The following POLN variants were observed in gnomAD, a reference collection of about 807,000 sequenced individuals.
POLN encodes DNA polymerase N.
A neutral mutation model predicts 113.5 loss-of-function variants in POLN; 108 were observed. That is an observed-to-expected ratio of 0.95 (90% CI 0.81 to 1.12). POLN has a LOEUF of 1.12. Ranked by LOEUF, POLN falls within the 50% of genes most tolerant of loss-of-function variation. POLN has a pLI of 0.00. For synonymous variants in POLN, 386 were observed against 391.5 expected, an observed-to-expected ratio of 0.99 and a Z score of 0.17; for missense variants, 1,097 against 1,077.1, an observed-to-expected ratio of 1.02 and a Z score of -0.26.
At chr4:2,150,626 T>C (rs1732269050) in intron 16 of POLN, among the ~76,000 whole-genome samples, 1 of 152,180 alleles carries the variant, frequency 6.6e-6, no homozygotes, top group South Asian at 2.1e-4. Flanking sequence ...AACGCACTGC[T>C]GGCAATGGTA....
intron 19 of POLN, among the ~76,000 whole-genome samples, chr4:2,108,903 G>A (rs1560998628): frequency 1.3e-5 from 2 of 151,962 alleles, no homozygotes; most frequent in South Asian, 4.2e-4. Context: ...CACTTTCCTC[G>A]TGGGCAATGA....
chr4:2,193,145 C>T, intron 7 of POLN, 59 bp downstream of exon 7: 1 of 1,295,740 alleles, frequency 7.7e-7, no homozygotes, highest in Admixed American at 2.0e-5. Flanking sequence ...TTCTCCCATT[C>T]ATAGGAGGAG....
chr4:2,238,736 T>G lies in POLN; in HGVS notation c.-13+2784A>C, dbSNP rs1327303925. On this transcript the variant is annotated intron_variant, in intron 2 of 25. Coordinates refer to ENST00000511885, the MANE Select transcript of POLN (RefSeq NM_181808.4). ...TTGACTAAGTTCTTGAACCAAATTT[T>G]CAAGTTGACGATATATGTCCCGATG... 6 of 1,613,874 alleles carry G rather than the reference T, an allele frequency of 3.7e-6. No homozygotes were observed. The South Asian group carries it at 6.6e-5, about 18-fold the overall frequency.
intron 19 of POLN, 116 bp from the exon 20 acceptor site, chr4:2,096,049 A>G: frequency 1.1e-6 from 1 of 882,312 alleles, no homozygotes; most frequent in Non-Finnish European, 1.9e-6. Context: ...TTATGCTTTC[A>G]TGGTGGCCGG....
At chr4:2,081,833 G>A in intron 21 of POLN, 90 bp from the exon 22 acceptor site, 1 of 1,091,424 alleles carries the variant, frequency 9.2e-7, no homozygotes, top group South Asian at 1.3e-5. Flanking sequence ...AGGCCACAGA[G>A]GGACAGCCGC....
chr4:2,202,524 G>A (rs1460683567), intron 5 of POLN, among the ~76,000 whole-genome samples: 4 of 152,058 alleles, frequency 2.6e-5, no homozygotes, highest in African/African-American at 9.7e-5. Flanking sequence ...AGGAGTTCAA[G>A]ACCAGCCTGG....
intron 19 of POLN, among the ~76,000 whole-genome samples, chr4:2,110,232 TCAAAG>T (rs1242503726): frequency 2.0e-5 from 3 of 152,112 alleles, no homozygotes; most frequent in African/African-American, 7.2e-5. Flanking sequence ...TGGGACACAT[TCAAAG>T]CAGTGTGTAG....
chr4:2,120,232 G>A (rs2108718053), intron 19 of POLN, among the ~76,000 whole-genome samples: 1 of 152,140 alleles, frequency 6.6e-6, no homozygotes, highest in South Asian at 2.1e-4. Flanking sequence ...GTTATTCTAA[G>A]CCCTGTGCCT....
intron 16 of POLN, among the ~76,000 whole-genome samples, chr4:2,133,142 A>G (rs1731766887): frequency 1.1e-5 from 1 of 89,054 alleles, no homozygotes; most frequent in African/African-American, 4.7e-5. Flanking sequence ...CTATTATAAA[A>G]AATGGCAAAA....
chr4:2,123,309 G>A (rs974214351), intron 19 of POLN, among the ~76,000 whole-genome samples: 1 of 151,622 alleles, frequency 6.6e-6, no homozygotes, highest in African/African-American at 2.4e-5. Flanking sequence ...GGCCAACATG[G>A]CGAAACCTCA....
chr4:2,240,882 A>C, intron 2 of POLN: 3 of 1,610,078 alleles, frequency 1.9e-6, no homozygotes, highest in Non-Finnish European at 2.5e-6. Context: ...TTCTCCATTA[A>C]GATTATCAGC....
At chr4:2,207,198 T>C (rs1370208303) in intron 5 of POLN, among the ~76,000 whole-genome samples, 1 of 152,082 alleles carries the variant, frequency 6.6e-6, no homozygotes, top group Admixed American at 6.6e-5. Flanking sequence ...AGCTAAGCTA[T>C]GAGGATGCAA....
At chr4:2,143,360 C>G (rs958600738) in intron 16 of POLN, among the ~76,000 whole-genome samples, 1 of 151,750 alleles carries the variant, frequency 6.6e-6, no homozygotes, top group Non-Finnish European at 1.5e-5. Context: ...GAAATGAAAC[C>G]AGGAATATCA....
chr4:2,182,479 G>A (rs943124685), intron 7 of POLN, among the ~76,000 whole-genome samples: 2 of 152,112 alleles, frequency 1.3e-5, no homozygotes. Context: ...AGAAGCTGGG[G>A]GAGAGTCACA....
At chr4:2,179,558 T>G in intron 7 of POLN, 93 bp from the exon 8 acceptor site, 2 of 1,218,538 alleles carry the variant, frequency 1.6e-6, no homozygotes. Context: ...CGAATAGTAG[T>G]AGTATTGTCA....
intron 7 of POLN, among the ~76,000 whole-genome samples, chr4:2,188,624 C>CA (rs1455019347): frequency 3.3e-5 from 3 of 90,956 alleles, no homozygotes; most frequent in African/African-American, 3.0e-4. Context: ...AACAAAAAAA[C>CA]AAAACAAAAC....
In POLN at chr4:2,174,795, A is replaced by G. The variant is rs764555512; in HGVS notation, c.1249-44T>C. 17 of 1,326,824 alleles carry G rather than the reference A, an allele frequency of 1.3e-5. No homozygotes were observed. In the African/African-American group the frequency reaches 2.5e-4, roughly 20 times the overall value. 82.2% of individuals were successfully genotyped at this position (1,326,824 alleles called of 1,614,324 possible). A position where few individuals can be genotyped will look rare whatever the true frequency, so the allele number is the denominator to read the frequency against. On this transcript the variant is annotated intron_variant, in intron 9 of 25. Coordinates refer to ENST00000511885, the MANE Select transcript of POLN (RefSeq NM_181808.4). Reference sequence around the variant, plus strand: ...TAACATCAACGTCAATTTAAATATTATTGTATCTGCATTTTGTTGAAAAGC... The same window carrying G: ...TAACATCAACGTCAATTTAAATATTGTTGTATCTGCATTTTGTTGAAAAGC...
intron 8 of POLN, among the ~76,000 whole-genome samples, chr4:2,176,596 G>C (rs7671933): frequency 0.25 from 37,528 of 152,094 alleles, 7,154 homozygotes; most frequent in African/African-American, 0.52. Flanking sequence ...TCATTTTATA[G>C]ACTGAGAAAC....
rs1469545253 is a variant in POLN at position 2,080,806 on chromosome 4, C to A, written c.2387+152G>T. 8 of 1,512,512 alleles carry A rather than the reference C, an allele frequency of 5.3e-6. No homozygotes were observed. The East Asian group carries it at 1.7e-4, about 31-fold the overall frequency. 93.7% of individuals were successfully genotyped at this position (1,512,512 alleles called of 1,614,324 possible). On this transcript the variant is annotated intron_variant, in intron 23 of 25. Coordinates refer to ENST00000511885, the MANE Select transcript of POLN (RefSeq NM_181808.4). The stretch of plus-strand genomic sequence containing the variant: ...TTGTCTGCATGCCTGCTGTGAGTAG[C>A]CCCCAGGGCCTTCCATGGGCTGAGA...
Sources: allele counts gnomAD v4.1 joint callset (sites outside exome capture counted in the v4.1 genomes callset), GRCh38; gene constraint gnomAD v4.1.1; transcripts MANE v1.5; gene names NCBI Gene and HGNC (gene_info 2026-07-23, HGNC 2026-07-21).